The following ARHGEF10 variants were observed in gnomAD, a reference collection of about 807,000 sequenced individuals.
ARHGEF10 encodes Rho guanine nucleotide exchange factor (GEF) 10.
ARHGEF10 carries 140 observed loss-of-function variants against 147.4 expected under a neutral mutation model. The ratio of observed to expected loss-of-function variants is 0.95; its 90% confidence interval spans 0.83 to 1.09. The LOEUF (loss-of-function observed/expected upper bound fraction) is 1.09. Ranked by LOEUF, ARHGEF10 falls within the 50% of genes least tolerant of loss-of-function variation. The pLI, the probability that ARHGEF10 is intolerant of heterozygous loss-of-function variation, is 0.00. For missense variants in ARHGEF10, 2,222 were observed against 1,752.7 expected, an observed-to-expected ratio of 1.27 and a Z score of -4.78; for synonymous variants, 902 against 695.8, an observed-to-expected ratio of 1.30 and a Z score of -4.67.
chr8:1,920,162 T>C (rs1249811701), intron 18 of ARHGEF10, among the ~76,000 whole-genome samples: 1 of 149,950 alleles, frequency 6.7e-6, no homozygotes, highest in Non-Finnish European at 1.5e-5. Context: ...TCAGGCTTAC[T>C]GCGGAGATGT....
intron 8 of ARHGEF10, among the ~76,000 whole-genome samples, chr8:1,879,662 C>G (rs1476576570): frequency 6.6e-6 from 1 of 151,960 alleles, no homozygotes; most frequent in Non-Finnish European, 1.5e-5. Flanking sequence ...AAGCAATTCG[C>G]CCACCTCAGC....
chr8:1,901,293 C>G (rs1244626133), intron 15 of ARHGEF10, among the ~76,000 whole-genome samples: 3 of 152,158 alleles, frequency 2.0e-5, no homozygotes, highest in East Asian at 1.9e-4. Context: ...TGGACACCCT[C>G]TGTCCCCTTC....
chr8:1,949,861 GA>G (rs1814888045), intron 27 of ARHGEF10, among the ~76,000 whole-genome samples: 1 of 152,150 alleles, frequency 6.6e-6, no homozygotes. Flanking sequence ...GGGAAGAGCA[GA>G]GGGCGAATCC....
chr8:1,924,039 T>G (rs1812498304), intron 21 of ARHGEF10, among the ~76,000 whole-genome samples, 165 bp downstream of exon 21: 1 of 152,134 alleles, frequency 6.6e-6, no homozygotes, highest in Non-Finnish European at 1.5e-5. Flanking sequence ...CGGCGATTTT[T>G]TAGATGTTCA....
chr8:1,955,453 C>G (rs200486877), intron 28 of ARHGEF10, among the ~76,000 whole-genome samples: 22 of 145,258 alleles, frequency 1.5e-4, no homozygotes, highest in Non-Finnish European at 2.1e-4. Flanking sequence ...CTCACTGTTT[C>G]TCTGGATGGG....
chr8:1,907,274 CT>C (rs1337082040), intron 17 of ARHGEF10, among the ~76,000 whole-genome samples: 2 of 152,198 alleles, frequency 1.3e-5, no homozygotes, highest in African/African-American at 2.4e-5. Flanking sequence ...CAGAACCCCC[CT>C]CTCCATGTAA....
At chr8:1,867,279 C>T (rs57400191) in intron 6 of ARHGEF10, among the ~76,000 whole-genome samples, 13,808 of 152,130 alleles carry the variant, frequency 0.091, 1,474 homozygotes, top group African/African-American at 0.26. Flanking sequence ...ATTAATATCA[C>T]AGCTTATTTA....
chr8:1,932,103 C>T (rs1813195287), intron 25 of ARHGEF10, among the ~76,000 whole-genome samples: 1 of 152,186 alleles, frequency 6.6e-6, no homozygotes, highest in Non-Finnish European at 1.5e-5. Context: ...CACAACCCTG[C>T]GTTCTTGTGC....
intron 2 of ARHGEF10, among the ~76,000 whole-genome samples, chr8:1,847,529 C>T (rs1032046129): frequency 1.3e-5 from 2 of 152,118 alleles, no homozygotes; most frequent in African/African-American, 4.8e-5. Flanking sequence ...CTGGTAACTT[C>T]CATAATGAGC....
At chr8:1,851,037 G>C (rs888016639) in intron 2 of ARHGEF10, among the ~76,000 whole-genome samples, 83 of 152,330 alleles carry the variant, frequency 5.4e-4, no homozygotes, top group African/African-American at 1.8e-3. Flanking sequence ...GGGTTTGCGG[G>C]GGGGAGGGGT....
At chr8:1,908,484 G>A (rs1811091859) in intron 17 of ARHGEF10, among the ~76,000 whole-genome samples, 1 of 152,054 alleles carries the variant, frequency 6.6e-6, no homozygotes, top group Non-Finnish European at 1.5e-5. Context: ...TGCCTGCCTT[G>A]GCCTCCCAAA....
At chr8:1,834,192 G>T (rs1043736563) in intron 1 of ARHGEF10, among the ~76,000 whole-genome samples, 1 of 152,248 alleles carries the variant, frequency 6.6e-6, no homozygotes, top group Non-Finnish European at 1.5e-5. Flanking sequence ...AGCATGTGGC[G>T]CAGAGAGGGT....
At chr8:1,870,440 G>T (rs1807017349) in intron 7 of ARHGEF10, 1 of 152,064 alleles carries the variant, frequency 6.6e-6, no homozygotes, top group Non-Finnish European at 1.5e-5. Context: ...ATATTGGTAC[G>T]CATAGTAAAG....
At chr8:1,833,938 C>G (rs1159697711) in intron 1 of ARHGEF10, among the ~76,000 whole-genome samples, 1 of 152,164 alleles carries the variant, frequency 6.6e-6, no homozygotes, top group Non-Finnish European at 1.5e-5. Flanking sequence ...CTGCTGGGAG[C>G]CCCCCAATGA....
At chr8:1,838,647 T>C (rs1429366898) in intron 1 of ARHGEF10, among the ~76,000 whole-genome samples, 1 of 152,290 alleles carries the variant, frequency 6.6e-6, no homozygotes, top group Admixed American at 6.5e-5. Context: ...TTTGTCAGGG[T>C]CTCAGAGCCA....
At chr8:1,916,850 G>A (rs1046698624) in intron 18 of ARHGEF10, among the ~76,000 whole-genome samples, 2 of 152,158 alleles carry the variant, frequency 1.3e-5, no homozygotes, top group African/African-American at 4.8e-5. Flanking sequence ...TGTAATTCTT[G>A]TATCTGGAGA....
In ARHGEF10 at chr8:1,860,032, C is replaced by T. The variant is rs959504875; in HGVS notation, c.329C>T (p.Pro110Leu). The change falls in exon 4 of 29, where the codon CCC becomes CTC. Residue 110 changes from proline (P) to leucine (L), a missense_variant. Coordinates refer to ENST00000349830, the MANE Select transcript of ARHGEF10 (RefSeq NM_014629.4). ...GAGGACCAGCCGCCCACCCCCGTGC[C>T]CAGCGCTGAGGAGGAGAATGTGGGT... is the stretch of plus-strand genomic sequence containing the variant. ...FQEDQPPTPV[P>L]SAEEENVGLH... 1.2e-6 allele frequency: 2 copies of T among 1,614,134 alleles called. No homozygotes were observed. The highest frequency in any genetic ancestry group is 4.5e-5 in the East Asian group (2 of 44,854).
At chr8:1,898,994 A>G (rs1207522702) in intron 15 of ARHGEF10, among the ~76,000 whole-genome samples, 1 of 152,222 alleles carries the variant, frequency 6.6e-6, no homozygotes, top group African/African-American at 2.4e-5. Context: ...AAACATACCC[A>G]TCACTGATTT....
chr8:1,946,259 G>C (rs886999943), intron 27 of ARHGEF10, among the ~76,000 whole-genome samples: 1 of 150,496 alleles, frequency 6.6e-6, no homozygotes. Flanking sequence ...TGGAAGGGCT[G>C]TTTTGCTTCT....
Sources: allele counts gnomAD v4.1 joint callset (sites outside exome capture counted in the v4.1 genomes callset), GRCh38; gene constraint gnomAD v4.1.1; transcripts MANE v1.5; gene names NCBI Gene and HGNC (gene_info 2026-07-23, HGNC 2026-07-21).